Variants in PKHD1L1 observed in about 807,000 individuals in gnomAD.
PKHD1L1 encodes PKHD1 like 1.
A neutral mutation model predicts 462.9 loss-of-function variants in PKHD1L1; 434 were observed. That is an observed-to-expected ratio of 0.94 (90% CI 0.87 to 1.02). The LOEUF (loss-of-function observed/expected upper bound fraction) is 1.02. PKHD1L1 is among the 50% of genes least tolerant of loss of function. The probability of loss-of-function intolerance (pLI) is 0.00; values close to 1 mark genes in which losing one functional copy is unlikely to be tolerated. For missense variants in PKHD1L1, 5,202 were observed against 5,096.1 expected (o/e 1.02, Z -0.63); for synonymous variants, 1,781 against 1,750.0 (o/e 1.02, Z -0.44).
Position 109,452,769 on chromosome 8 carries a change from G to T in PKHD1L1, c.6559G>T (p.Gly2187Trp), listed in dbSNP as rs750335258. The change falls in exon 43 of 78, where the codon GGG (glycine) becomes TGG (tryptophan). Residue 2187 changes from glycine (G) to tryptophan (W), a missense_variant. By Grantham distance (184) the Gly-to-Trp change is radical (BLOSUM62 -2). Around this residue, in one of 3 missense-constraint regions of PKHD1L1, gnomAD observed 4,497 missense variants for 4,336.8 expected, o/e 1.04. Transcript: ENST00000378402. ...VDAWSSNFSW[G>W]GKSPPEEGSL... ...TGCCTGGTCCTCCAATTTCTCATGG[G>T]GGGGAAAATCTCCCCCAGAAGAAGG... 1.3e-6 allele frequency: 2 copies of T among 1,537,828 alleles called. No individual in the cohort carries two copies. The highest frequency in any genetic ancestry group is 1.3e-5 in the South Asian group (1 of 78,326).
intron 2 of PKHD1L1, among the ~76,000 whole-genome samples, chr8:109,372,266 A>G (rs1811552029): frequency 1.3e-5 from 2 of 152,156 alleles, no homozygotes; most frequent in South Asian, 4.1e-4. Context: ...CTTTGAAGCA[A>G]TTGTGAATGG....
intron 33 of PKHD1L1, 29 bp downstream of exon 33, chr8:109,440,881 T>A: frequency 1.2e-6 from 2 of 1,600,530 alleles, no homozygotes; most frequent in Non-Finnish European, 1.7e-6. Context: ...GGAAAGTGAT[T>A]ATCATTTTTC....
At chr8:109,404,442 A>C in intron 14 of PKHD1L1, 112 bp from the exon 15 acceptor site, 1 of 604,458 alleles carries the variant, frequency 1.7e-6, no homozygotes. Flanking sequence ...CTACAATATA[A>C]GTCATTTAAC....
chr8:109,431,298 T>C (rs1815087211), intron 27 of PKHD1L1, among the ~76,000 whole-genome samples: 1 of 151,906 alleles, frequency 6.6e-6, no homozygotes. Context: ...AATTTAAGCA[T>C]AAAGAAAACT....
intron 65 of PKHD1L1, among the ~76,000 whole-genome samples, chr8:109,497,530 T>G (rs1819172028): frequency 6.6e-6 from 1 of 151,308 alleles, no homozygotes; most frequent in African/African-American, 2.4e-5. Context: ...CCTCCCGGGT[T>G]CACATCCTGC....
At chr8:109,493,088 T>A (rs1179952641) in intron 62 of PKHD1L1, among the ~76,000 whole-genome samples, 2 of 151,292 alleles carry the variant, frequency 1.3e-5, no homozygotes, top group Non-Finnish European at 3.0e-5. Context: ...TCCTAGCTAC[T>A]TGGGAGGTTG....
chr8:109,473,386 C>T (rs1817822727), intron 50 of PKHD1L1, among the ~76,000 whole-genome samples: 1 of 151,844 alleles, frequency 6.6e-6, no homozygotes, highest in African/African-American at 2.4e-5. Flanking sequence ...TGTGGTGGCA[C>T]ATGCCTGTAA....
chr8:109,462,344 A>G (rs1258805639), intron 48 of PKHD1L1, among the ~76,000 whole-genome samples: 1 of 152,108 alleles, frequency 6.6e-6, no homozygotes, highest in African/African-American at 2.4e-5. Flanking sequence ...AAAATCCTTC[A>G]GTGGCTTCAT....
Position 109,493,870 on chromosome 8 carries a change from A to G in PKHD1L1, c.10327+119A>G. On this transcript the variant is annotated intron_variant, in intron 63 of 77. Coordinates refer to ENST00000378402, the MANE Select transcript of PKHD1L1 (RefSeq NM_177531.6). ...ATGTCTTTTCCTTCCGGGCACTGAAATAACTCAACAAGATAAATTATTTCA... is the reference window on the plus strand; with the variant it reads ...ATGTCTTTTCCTTCCGGGCACTGAAGTAACTCAACAAGATAAATTATTTCA... 7 of 550,696 alleles carry G rather than the reference A, an allele frequency of 1.3e-5. No homozygotes were observed. The South Asian group carries it at 2.2e-4, about 18-fold the overall frequency. 34.1% of individuals were successfully genotyped at this position (550,696 alleles called of 1,614,324 possible).
At chr8:109,384,598 T>G (rs555079290) in intron 5 of PKHD1L1, among the ~76,000 whole-genome samples, 1 of 152,234 alleles carries the variant, frequency 6.6e-6, no homozygotes, top group East Asian at 1.9e-4. Context: ...TCTACTATAA[T>G]GTATTTATCA....
At chr8:109,458,649 A>G (rs893205910) in intron 46 of PKHD1L1, among the ~76,000 whole-genome samples, 5 of 152,120 alleles carry the variant, frequency 3.3e-5, no homozygotes, top group African/African-American at 7.2e-5. Context: ...TCTATTTCAC[A>G]TGTGACACTG....
rs781012522 is a variant in PKHD1L1 at position 109,454,750 on chromosome 8, C to A, written c.6772C>A (p.His2258Asn). 6.2e-7 allele frequency: 1 copy of A among 1,613,790 alleles called. No individual in the cohort carries two copies. The highest frequency in any genetic ancestry group is 1.1e-5 in the South Asian group (1 of 91,062). ...QIGTETSPFQ[H>N]KAVITLHGHL... The stretch of plus-strand genomic sequence containing the variant: ...TGGAACAGAGACATCCCCATTCCAA[C>A]ACAAGGCTGTCATTACCTTGCATGG... Residue 2258 changes from histidine to asparagine, a missense_variant, in exon 45 of 78, where the codon CAC becomes AAC. Physicochemically the swap from His to Asn is moderately conservative, Grantham distance 68 (BLOSUM62 1). This residue lies in a region of PKHD1L1 where 4,497 missense variants were observed against 4,336.8 expected (regional missense o/e 1.04). Coordinates refer to ENST00000378402, the MANE Select transcript of PKHD1L1 (RefSeq NM_177531.6).
At chr8:109,512,046 G>T (rs1030324154) in intron 71 of PKHD1L1, among the ~76,000 whole-genome samples, 1 of 151,812 alleles carries the variant, frequency 6.6e-6, no homozygotes, top group African/African-American at 2.4e-5. Flanking sequence ...GGGGTTGTTT[G>T]TTTTTTTCTT....
At chr8:109,407,833 C>A (rs1813638669) in intron 17 of PKHD1L1, among the ~76,000 whole-genome samples, 1 of 152,090 alleles carries the variant, frequency 6.6e-6, no homozygotes, top group South Asian at 2.1e-4. Context: ...ATATATAGCA[C>A]TTTGTCTGCT....
intron 8 of PKHD1L1, among the ~76,000 whole-genome samples, chr8:109,389,501 T>A (rs1254629731): frequency 5.5e-4 from 4 of 7,282 alleles, no homozygotes; most frequent in African/African-American, 1.4e-3. Context: ...CTTTTAAGAG[T>A]GTGTGTGTGT....
intron 77 of PKHD1L1, 120 bp downstream of exon 77, chr8:109,527,140 C>T (rs779619157): frequency 7.1e-6 from 6 of 841,812 alleles, no homozygotes; most frequent in Non-Finnish European, 9.1e-6. Context: ...GAGAAAGTAA[C>T]AGCCTCAATA....
In PKHD1L1 at chr8:109,425,232, G is replaced by A; in HGVS notation, c.2845G>A (p.Gly949Ser). ...TCAAGCTTATGGACATATTCTTAAA[G>A]GTATATGAAAAAAATTTAAAATATT... ...DIQAYGHILKGLPAAVSAADL... is the reference protein window; with the variant it reads ...DIQAYGHILKSLPAAVSAADL... The change falls in exon 24 of 78, where the codon GGC becomes AGC. Residue 949 changes from glycine (G) to serine (S), a missense_variant and splice_region_variant. By Grantham distance (56) the Gly-to-Ser change is moderately conservative. Transcript: ENST00000378402. 1 of 1,570,686 alleles carries A rather than the reference G, an allele frequency of 6.4e-7. No homozygotes were observed. The highest frequency in any genetic ancestry group is 8.6e-7 in the Non-Finnish European group (1 of 1,163,870).
At chr8:109,485,228 T>C (rs1818467363) in intron 58 of PKHD1L1, 55 bp downstream of exon 58, 1 of 1,348,756 alleles carries the variant, frequency 7.4e-7, no homozygotes, top group East Asian at 2.5e-5. Flanking sequence ...AAGATTCACA[T>C]TTACTCTGTA....
intron 16 of PKHD1L1, among the ~76,000 whole-genome samples, 179 bp from the exon 17 acceptor site, chr8:109,406,156 A>G (rs1045793624): frequency 6.6e-6 from 1 of 152,226 alleles, no homozygotes; most frequent in South Asian, 2.1e-4. Flanking sequence ...TTAATTAAAT[A>G]GTCAATATTA....
Sources: gnomAD v4.1 joint callset for allele counts (sites outside exome capture counted in the v4.1 genomes callset) on GRCh38, gnomAD v4.1.1 for gene constraint, gnomAD v4.1.1 regional missense constraint, MANE v1.5 for transcripts, NCBI Gene and HGNC (gene_info 2026-07-23, HGNC 2026-07-21) for gene names.